The following RYR3 variants were observed in gnomAD, a reference collection of about 807,000 sequenced individuals.
The protein encoded by RYR3 is ryanodine receptor 3, also known as brain ryanodine receptor-calcium release channel.
In RYR3, 207 loss-of-function variants were observed where a neutral mutation model predicts 584.3. The ratio of observed to expected loss-of-function variants is 0.35; its 90% CI spans 0.32 to 0.40. The LOEUF (loss-of-function observed/expected upper bound fraction) is 0.40, where lower values mean the gene tolerates loss of function less well. RYR3 is among the 10% of genes least tolerant of loss of function. The probability of loss-of-function intolerance (pLI) is 1.00; values close to 1 mark genes in which losing one functional copy is unlikely to be tolerated. For missense variants in RYR3, 5,616 were observed against 6,089.2 expected, an observed-to-expected ratio of 0.92 and a Z score of 2.59; for synonymous variants, 2,416 against 2,248.5, an observed-to-expected ratio of 1.07 and a Z score of -2.11.
At chr15:33,622,201 C>G (rs1269922648) in intron 19 of RYR3, among the ~76,000 whole-genome samples, 4 of 152,184 alleles carry the variant, frequency 2.6e-5, no homozygotes, top group Middle Eastern at 6.3e-3. Flanking sequence ...GGAATAAAAT[C>G]CTACCTCCTT....
rs201604156 is a variant in RYR3, at chr15:33,601,544, T to C, written c.1914T>C (p.Asp638=). Residue 638 remains aspartate, a synonymous_variant, in exon 17 of 104, where the codon GAT becomes GAC. Transcript: ENST00000634891. ...NLLLQTRLIN[D]VTSIRPNIFL... ...TCCTGCAGACACGACTGATTAACGA[T>C]GTAACCAGGTAAGGCCACCACCACC... 11 of 1,613,776 alleles carry C rather than the reference T, an allele frequency of 6.8e-6. No homozygotes were observed. Among genetic ancestry groups the C allele is most frequent in the Non-Finnish European group, 9.3e-6 (11 of 1,179,784 alleles).
intron 16 of RYR3, among the ~76,000 whole-genome samples, chr15:33,589,547 A>G (rs958946969): frequency 1.3e-5 from 2 of 152,200 alleles, no homozygotes; most frequent in South Asian, 4.1e-4. Flanking sequence ...ACCAGTGTCC[A>G]GAAGAATTTT....
chr15:33,538,686 T>C (rs1007501395), intron 5 of RYR3, among the ~76,000 whole-genome samples: 1 of 152,216 alleles, frequency 6.6e-6, no homozygotes, highest in East Asian at 1.9e-4. Flanking sequence ...CCTTCGCAGG[T>C]AGCTGGTGCT....
intron 1 of RYR3, among the ~76,000 whole-genome samples, chr15:33,355,277 A>G (rs1469150594): frequency 6.6e-6 from 1 of 152,094 alleles, no homozygotes; most frequent in Non-Finnish European, 1.5e-5. Context: ...AGGCAAAATT[A>G]TGAATTCACT....
chr15:33,605,008 T>C (rs1474560718), intron 18 of RYR3, among the ~76,000 whole-genome samples: 1 of 152,160 alleles, frequency 6.6e-6, no homozygotes, highest in Non-Finnish European at 1.5e-5. Flanking sequence ...CCCAAGAATG[T>C]TCTCTGGAGC....
intron 1 of RYR3, among the ~76,000 whole-genome samples, chr15:33,362,431 G>T (rs192441383): frequency 2.0e-5 from 3 of 152,268 alleles, no homozygotes; most frequent in East Asian, 1.9e-4. Flanking sequence ...AGCAGCAGCA[G>T]CAGCAGCATC....
chr15:33,497,422 C>T (rs2051536818), intron 2 of RYR3, among the ~76,000 whole-genome samples: 1 of 152,148 alleles, frequency 6.6e-6, no homozygotes, highest in Non-Finnish European at 1.5e-5. Flanking sequence ...AGTTAGTCAC[C>T]AGGCTTCATC....
At chr15:33,606,765 A>C (rs2059928067) in intron 18 of RYR3, among the ~76,000 whole-genome samples, 1 of 152,122 alleles carries the variant, frequency 6.6e-6, no homozygotes, top group African/African-American at 2.4e-5. Context: ...AGCAGCCTAC[A>C]CAGTATGTTA....
chr15:33,785,647 C>T lies in RYR3; in HGVS notation c.9269-15C>T. On this transcript the variant is annotated splice_polypyrimidine_tract_variant and intron_variant, in intron 65 of 103. Transcript: ENST00000634891. ...GCTTTTGAATTTCTGTCCCTTTATT[C>T]TTCCTCTCAATCAGTTCTGGGGATG... The T allele has an allele frequency of 6.5e-7, 1 of 1,541,952 alleles. No individual in the cohort carries two copies.
rs10659855 is a variant in RYR3 at position 33,384,601 on chromosome 15, G to GCACACACACACA, written c.51+73515_51+73526dup. Among the ~76,000 whole-genome samples the GCACACACACACA allele has an allele frequency of 5.5e-3, 798 of 145,318 alleles. 8 individuals carry two copies. Among genetic ancestry groups the GCACACACACACA allele is most frequent in the African/African-American group, 0.018 (725 of 39,528 alleles). On this transcript the variant is annotated intron_variant, in intron 1 of 103. Transcript: ENST00000634891. ...ACCTTATATATACATATCTATATAT[G>GCACACACACACA]CACACACACACACACACACACGTTG...
intron 38 of RYR3, among the ~76,000 whole-genome samples, chr15:33,695,196 T>G (rs1158345475): frequency 6.6e-6 from 1 of 152,160 alleles, no homozygotes; most frequent in African/African-American, 2.4e-5. Flanking sequence ...TAGGATGCAT[T>G]TGTGATTTAA....
chr15:33,639,380 T>A (rs1316547600), intron 27 of RYR3, among the ~76,000 whole-genome samples: 1 of 151,958 alleles, frequency 6.6e-6, no homozygotes, highest in Non-Finnish European at 1.5e-5. Context: ...GGTGGAAGGG[T>A]AGTTATAAGG....
intron 57 of RYR3, among the ~76,000 whole-genome samples, chr15:33,754,066 C>A (rs1291545993): frequency 2.6e-5 from 4 of 152,120 alleles, no homozygotes; most frequent in Non-Finnish European, 5.9e-5. Flanking sequence ...ATTGCTTGAA[C>A]CCAGAAGGCA....
chr15:33,406,318 G>A (rs976770531), intron 1 of RYR3, among the ~76,000 whole-genome samples: 1 of 152,164 alleles, frequency 6.6e-6, no homozygotes, highest in Non-Finnish European at 1.5e-5. Flanking sequence ...GATAACAGAT[G>A]GCTAGCTCCC....
In RYR3 at chr15:33,686,217, C is replaced by T. The variant is rs185053905; in HGVS notation, c.5861-10001C>T. 1.6e-4 allele frequency among the ~76,000 whole-genome samples: 25 copies of T among 152,156 alleles called. No individual in the cohort carries two copies. In the East Asian group the frequency reaches 3.1e-3, roughly 19 times the overall value. On this transcript the variant is annotated intron_variant, in intron 38 of 103. Transcript: ENST00000634891. ...AGAAAAGAGAGAAGAATCAAATAGACGCAATAAAAAATCGTAAAGGGGATG... is the reference window on the plus strand; with the variant it reads ...AGAAAAGAGAGAAGAATCAAATAGATGCAATAAAAAATCGTAAAGGGGATG...
intron 99 of RYR3, chr15:33,858,274 A>G (rs11634530): frequency 0.61 from 120,741 of 197,196 alleles, 40,650 homozygotes; most frequent in Non-Finnish European, 0.74. Context: ...GCGTCATCTC[A>G]GCTCATTGCA....
intron 69 of RYR3, among the ~76,000 whole-genome samples, chr15:33,803,411 C>T (rs1435831135): frequency 1.3e-5 from 2 of 152,212 alleles, no homozygotes; most frequent in African/African-American, 4.8e-5. Flanking sequence ...GGACAGCTAG[C>T]TTATCTTAAG....
chr15:33,435,838 A>C (rs563307944), intron 1 of RYR3, among the ~76,000 whole-genome samples: 2 of 152,240 alleles, frequency 1.3e-5, no homozygotes, highest in Non-Finnish European at 2.9e-5. Flanking sequence ...GAAGAGCTAC[A>C]GAACAAAGCT....
chr15:33,652,726 G>A lies in RYR3; in HGVS notation c.4151G>A (p.Arg1384His), dbSNP rs746486931. Residue 1384 changes from arginine (R) to histidine (H), a missense_variant, in exon 32 of 104, where the codon CGC (arginine) becomes CAC (histidine). Arg to His is a conservative substitution (Grantham distance 29). Around this residue, in one of 9 missense-constraint regions of RYR3, gnomAD observed 753 missense variants for 741.0 expected, o/e 1.02. Coordinates refer to ENST00000634891, the MANE Select transcript of RYR3 (RefSeq NM_001036.6). ...ERGRVHESVK[R>H]SNCYMVWGGD... is the part of the protein sequence containing the mutation. ...CCTGTCTTGGCTCCTAGTGTGAAAC[G>A]CAGCAACTGCTACATGGTCTGGGGT... 5.6e-6 allele frequency: 9 copies of A among 1,612,878 alleles called. No homozygotes were observed. Among genetic ancestry groups the A allele is most frequent in the Admixed American group, 3.3e-5 (2 of 59,900 alleles).
Sources: allele counts gnomAD v4.1 joint callset (sites outside exome capture counted in the v4.1 genomes callset), GRCh38; gene constraint gnomAD v4.1.1; regional missense constraint gnomAD v4.1.1; transcripts MANE v1.5; gene names NCBI Gene and HGNC (gene_info 2026-07-23, HGNC 2026-07-21).